NELL1: variants seen among roughly 807,000 people sequenced by gnomAD.
NELL1 encodes protein kinase C-binding protein NELL1.
Under a neutral mutation model 107.4 loss-of-function variants are expected in NELL1, and 76 were observed. The observed-to-expected ratio is 0.71, with a 90% CI of 0.59 to 0.86. The LOEUF is 0.86. Among genes scored for constraint, NELL1 ranks in the 40% least tolerant of loss-of-function variants. The probability of loss-of-function intolerance (pLI) is 0.00; values close to 1 mark genes in which losing one functional copy is unlikely to be tolerated. For synonymous variants in NELL1, 353 were observed against 341.2 expected (o/e 1.03, Z -0.38); for missense variants, 1,024 against 1,005.5 (o/e 1.02, Z -0.25).
intron 12 of NELL1, among the ~76,000 whole-genome samples, chr11:21,099,791 T>G (rs1359189249): frequency 2.6e-5 from 4 of 152,180 alleles, no homozygotes; most frequent in Non-Finnish European, 5.9e-5. Flanking sequence ...TTTCCAGCTA[T>G]GTGACATTCA....
At chr11:21,231,078 C>A (rs1858036416) in intron 14 of NELL1, among the ~76,000 whole-genome samples, 1 of 152,118 alleles carries the variant, frequency 6.6e-6, no homozygotes, top group South Asian at 2.1e-4. Flanking sequence ...AAACTCTAAA[C>A]ATTTGTATGT....
chr11:20,912,935 A>G lies in NELL1; in HGVS notation c.604-5247A>G, dbSNP rs191517341. ...GGGAATCTTACACATTTGAAGATTA[A>G]TATTTCTGTGCATTAAGACTTTGGA... On this transcript the variant is annotated intron_variant, in intron 5 of 19. Transcript: ENST00000357134. 5.5e-4 allele frequency among the ~76,000 whole-genome samples: 84 copies of G among 152,278 alleles called. No individual in the cohort carries two copies. The East Asian group carries it at 8.7e-3, about 16-fold the overall frequency.
chr11:21,386,617 T>C (rs961455344), intron 15 of NELL1, among the ~76,000 whole-genome samples: 1 of 151,922 alleles, frequency 6.6e-6, no homozygotes, highest in African/African-American at 2.4e-5. Context: ...TTAAGCACTT[T>C]TAAATCTACT....
chr11:21,459,873 A>G (rs1387293431), intron 15 of NELL1, among the ~76,000 whole-genome samples: 1 of 152,148 alleles, frequency 6.6e-6, no homozygotes, highest in Non-Finnish European at 1.5e-5. Context: ...TACAATCAGC[A>G]AAGGGCACAG....
chr11:21,238,263 A>T (rs1858261438), intron 14 of NELL1, among the ~76,000 whole-genome samples: 1 of 152,112 alleles, frequency 6.6e-6, no homozygotes, highest in African/African-American at 2.4e-5. Flanking sequence ...CACAAATACA[A>T]CTATTTCTTT....
chr11:20,696,575 C>G (rs1276609401), intron 2 of NELL1, among the ~76,000 whole-genome samples: 1 of 152,004 alleles, frequency 6.6e-6, no homozygotes, highest in Non-Finnish European at 1.5e-5. Context: ...AGAGGGAAAG[C>G]CTTTGGTAAT....
intron 14 of NELL1, among the ~76,000 whole-genome samples, chr11:21,324,165 T>A (rs1298212291): frequency 6.6e-6 from 1 of 152,142 alleles, no homozygotes; most frequent in African/African-American, 2.4e-5. Flanking sequence ...TGCAACCCTA[T>A]GAGACAGTCA....
At chr11:21,188,604 A>T (rs1196509663) in intron 13 of NELL1, among the ~76,000 whole-genome samples, 1 of 150,574 alleles carries the variant, frequency 6.6e-6, no homozygotes, top group Non-Finnish European at 1.5e-5. Flanking sequence ...CTAATTAAAT[A>T]AAAAAAATTT....
intron 15 of NELL1, among the ~76,000 whole-genome samples, chr11:21,388,339 T>C (rs986558094): frequency 6.6e-6 from 1 of 151,850 alleles, no homozygotes; most frequent in African/African-American, 2.4e-5. Context: ...TCTCCCAATA[T>C]TGTTATAAAA....
chr11:21,492,267 A>G (rs1854842099), intron 15 of NELL1, among the ~76,000 whole-genome samples: 1 of 152,070 alleles, frequency 6.6e-6, no homozygotes, highest in Non-Finnish European at 1.5e-5. Flanking sequence ...GAGGATGTGG[A>G]GAAATAGGAA....
intron 12 of NELL1, among the ~76,000 whole-genome samples, chr11:21,005,624 A>G (rs1475457200): frequency 6.6e-6 from 1 of 152,182 alleles, no homozygotes; most frequent in Non-Finnish European, 1.5e-5. Flanking sequence ...GAGCATTGGC[A>G]TTAACAACAC....
In NELL1 at chr11:21,467,295, T is replaced by G. The variant is rs112620114; in HGVS notation, c.1646-67079T>G. Among the ~76,000 whole-genome samples the G allele has an allele frequency of 7.7e-4, 117 of 152,126 alleles. 1 individual carries two copies. The highest frequency in any genetic ancestry group is 2.6e-3 in the African/African-American group (110 of 41,544). Reference sequence around the variant, plus strand: ...ATAGCAATAGTACCTATCTCAAAATTTTATGGGAACTCAATGAGTCAATAA... The same window carrying G: ...ATAGCAATAGTACCTATCTCAAAATGTTATGGGAACTCAATGAGTCAATAA... On this transcript the variant is annotated intron_variant, in intron 15 of 19. Coordinates refer to ENST00000357134, the MANE Select transcript of NELL1 (RefSeq NM_006157.5).
intron 15 of NELL1, among the ~76,000 whole-genome samples, chr11:21,457,969 T>TATCAAA (rs1853791898): frequency 1.3e-5 from 2 of 152,070 alleles, no homozygotes; most frequent in Admixed American, 1.3e-4. Flanking sequence ...GAGGTGACAT[T>TATCAAA]TGATAAGTGG....
chr11:21,173,089 A>G (rs1470139380), intron 13 of NELL1, among the ~76,000 whole-genome samples: 1 of 151,820 alleles, frequency 6.6e-6, no homozygotes. Context: ...CTAAATAGCT[A>G]GCTCTCCCTA....
At chr11:20,871,083 C>T (rs1289382372) in intron 4 of NELL1, among the ~76,000 whole-genome samples, 1 of 152,174 alleles carries the variant, frequency 6.6e-6, no homozygotes. Context: ...GGACCTTCTT[C>T]ACTTTTTGTT....
intron 3 of NELL1, among the ~76,000 whole-genome samples, chr11:20,801,080 T>C (rs1323155740): frequency 6.6e-6 from 1 of 152,236 alleles, no homozygotes; most frequent in Admixed American, 6.5e-5. Context: ...CAGTCCCTAG[T>C]TCTCTCAGTT....
At chr11:20,681,662 A>G (rs1325724623) in intron 2 of NELL1, among the ~76,000 whole-genome samples, 2 of 152,112 alleles carry the variant, frequency 1.3e-5, no homozygotes, top group Non-Finnish European at 2.9e-5. Context: ...ACAAATTTCT[A>G]CAAATTTAGT....
intron 16 of NELL1, among the ~76,000 whole-genome samples, chr11:21,539,970 T>A (rs1242007039): frequency 6.6e-6 from 1 of 151,954 alleles, no homozygotes; most frequent in Non-Finnish European, 1.5e-5. Context: ...ACATCACACA[T>A]CCTGAAGATT....
At chr11:21,330,025 A>T (rs1850236091) in intron 14 of NELL1, among the ~76,000 whole-genome samples, 1 of 152,072 alleles carries the variant, frequency 6.6e-6, no homozygotes, top group East Asian at 1.9e-4. Flanking sequence ...TTGTCATAGT[A>T]AACTTCTTAT....
Sources: allele counts gnomAD v4.1 joint callset (sites outside exome capture counted in the v4.1 genomes callset), GRCh38; gene constraint gnomAD v4.1.1; transcripts MANE v1.5; gene names NCBI Gene and HGNC (gene_info 2026-07-23, HGNC 2026-07-21).